MAU2: variants seen among roughly 807,000 people sequenced by gnomAD.
The protein encoded by MAU2 is MAU2 sister chromatid cohesion factor.
A neutral mutation model predicts 89.1 loss-of-function variants in MAU2; 9 were observed. That is an observed-to-expected ratio of 0.10 (90% CI 0.06 to 0.18). The LOEUF (loss-of-function observed/expected upper bound fraction) is 0.18. MAU2 is among the 10% of genes least tolerant of loss of function. The pLI is 1.00. For synonymous variants in MAU2, 357 were observed against 343.4 expected, an observed-to-expected ratio of 1.04 and a Z score of -0.44; for missense variants, 425 against 803.5, an observed-to-expected ratio of 0.53 and a Z score of 5.69.
chr19:19,340,146 CAG>C (rs2061630075), intron 5 of MAU2, among the ~76,000 whole-genome samples: 1 of 139,272 alleles, frequency 7.2e-6, no homozygotes, highest in Non-Finnish European at 1.5e-5. Context: ...GCCTGGGCGA[CAG>C]AGCGAGACTC....
chr19:19,341,131 G>C, intron 6 of MAU2, 121 bp from the exon 7 acceptor site: 2 of 1,241,722 alleles, frequency 1.6e-6, no homozygotes, highest in Non-Finnish European at 2.2e-6. Flanking sequence ...TTTCAGGCTG[G>C]CCTTGCCCTC....
chr19:19,329,520 T>G (rs2061537942), intron 1 of MAU2, among the ~76,000 whole-genome samples: 1 of 152,172 alleles, frequency 6.6e-6, no homozygotes, highest in African/African-American at 2.4e-5. Flanking sequence ...CTCAACAAAT[T>G]AACAGGGTAA....
intron 3 of MAU2, among the ~76,000 whole-genome samples, chr19:19,336,694 A>G (rs1258138090): frequency 6.6e-6 from 1 of 152,228 alleles, no homozygotes; most frequent in East Asian, 1.9e-4. Context: ...ACTGTTGGAA[A>G]GATCAGCCTG....
At chr19:19,354,043 GGTCTA>G (rs2061764905) in intron 16 of MAU2, 3 of 411,186 alleles carry the variant, frequency 7.3e-6, no homozygotes, top group Admixed American at 3.5e-5. Flanking sequence ...CCCCATTGTG[GGTCTA>G]GGGCTAACGG....
At chr19:19,343,035 G>C (rs1428141111) in intron 9 of MAU2, among the ~76,000 whole-genome samples, 169 bp downstream of exon 9, 2 of 152,194 alleles carry the variant, frequency 1.3e-5, no homozygotes, top group Admixed American at 6.5e-5. Flanking sequence ...TCCAACGTCA[G>C]AGCAGAGCAG....
At chr19:19,324,945 G>A (rs1310679824) in intron 1 of MAU2, among the ~76,000 whole-genome samples, 1 of 152,100 alleles carries the variant, frequency 6.6e-6, no homozygotes, top group East Asian at 1.9e-4. Flanking sequence ...CCCAATCAGG[G>A]AGCTATCAAC....
chr19:19,338,201 C>A (rs2061612744), intron 4 of MAU2, among the ~76,000 whole-genome samples: 1 of 152,242 alleles, frequency 6.6e-6, no homozygotes, highest in South Asian at 2.1e-4. Context: ...CCTCCTCCCC[C>A]AGGCCTGATG....
At chr19:19,321,324 G>A (rs2061453250) in intron 1 of MAU2, among the ~76,000 whole-genome samples, 189 bp downstream of exon 1, 1 of 152,160 alleles carries the variant, frequency 6.6e-6, no homozygotes, top group South Asian at 2.1e-4. Flanking sequence ...GGACACGAAA[G>A]CCTCGCCCCC....
chr19:19,342,697 G>A lies in MAU2; in HGVS notation c.882+16G>A. 1 of 1,612,020 alleles carries A rather than the reference G, an allele frequency of 6.2e-7. No homozygotes were observed. The highest frequency in any genetic ancestry group is 1.7e-5 in the Admixed American group (1 of 59,986). ...TGTCTACCTGGTGCGTCCCCACCAGGGCCCGGGCCAGGGCTGGGGGCGGGG... is the reference window on the plus strand; with the variant it reads ...TGTCTACCTGGTGCGTCCCCACCAGAGCCCGGGCCAGGGCTGGGGGCGGGG... On this transcript the variant is annotated intron_variant, in intron 8 of 18. Transcript: ENST00000262815.
intron 17 of MAU2, 138 bp downstream of exon 17, chr19:19,354,583 G>A: frequency 4.1e-6 from 3 of 737,566 alleles, no homozygotes; most frequent in East Asian, 2.7e-5. Context: ...CATGGGTAGG[G>A]GGTGCTCCTC....
At chr19:19,347,209 G>T in intron 12 of MAU2, 71 bp from the exon 13 acceptor site, 1 of 887,034 alleles carries the variant, frequency 1.1e-6, no homozygotes, top group Admixed American at 1.8e-5. Flanking sequence ...GGAGATTGTG[G>T]GTGCTCTGAC....
intron 1 of MAU2, chr19:19,334,197 T>A: frequency 2.0e-6 from 2 of 985,174 alleles, no homozygotes; most frequent in Non-Finnish European, 2.4e-6. Context: ...GAGCCTCACC[T>A]CTGGGGCCAC....
In MAU2 at chr19:19,348,924, C is replaced by T. The variant is rs758620299; in HGVS notation, c.1344C>T (p.His448=). 5.0e-6 allele frequency: 8 copies of T among 1,613,808 alleles called. No homozygotes were observed. The highest frequency in any genetic ancestry group is 6.8e-6 in the Non-Finnish European group (8 of 1,179,966). The change falls in exon 14 of 19, where the codon CAC becomes CAT. Residue 448 remains histidine (H), a synonymous_variant. Transcript: ENST00000262815. The stretch of plus-strand genomic sequence containing the variant: ...TGCTGGAGAGGATCAACCCGGACCA[C>T]AGCTTCCCTGTCAGGTGAGCCGCTC... The part of the protein sequence containing the change: ...YSLLERINPD[H]SFPVSSHCLR...
chr19:19,355,412 G>C (rs1364294853), intron 18 of MAU2, 21 bp downstream of exon 18: 1 of 1,613,118 alleles, frequency 6.2e-7, no homozygotes, highest in African/African-American at 1.3e-5. Flanking sequence ...GGGTGTTAGG[G>C]GACGGGATCA....
rs2146715144 is a variant in MAU2, at chr19:19,355,398, G to A, written c.1767+7G>A. The A allele has an allele frequency of 1.2e-6, 2 of 1,613,766 alleles. No homozygotes were observed. Among genetic ancestry groups the A allele is most frequent in the Non-Finnish European group, 1.7e-6 (2 of 1,179,958 alleles). ...CGAACACAACCTCATCACGGTACGG[G>A]TGTGGGTGTTAGGGGACGGGATCAG... On this transcript the variant is annotated splice_region_variant and intron_variant, in intron 18 of 18. Transcript: ENST00000262815.
intron 9 of MAU2, 94 bp downstream of exon 9, chr19:19,342,960 G>GTGACCGCAGCGCCCAGCCACCCTGCC: frequency 7.4e-7 from 1 of 1,350,896 alleles, no homozygotes; most frequent in East Asian, 2.3e-5. Flanking sequence ...GTGACCCTGT[G>GTGACCGCAGCGCCCAGCCACCCTGCC]TGACCGCAGC....
At chr19:19,324,644 A>G (rs921026504) in intron 1 of MAU2, among the ~76,000 whole-genome samples, 1 of 152,202 alleles carries the variant, frequency 6.6e-6, no homozygotes, top group East Asian at 1.9e-4. Flanking sequence ...TTTTGGACCC[A>G]TAATTTAAAC....
At chr19:19,347,122 T>C (rs1339865792) in intron 12 of MAU2, 158 bp from the exon 13 acceptor site, 7 of 606,918 alleles carry the variant, frequency 1.2e-5, no homozygotes, top group South Asian at 3.9e-5. Flanking sequence ...GTAATAGCTG[T>C]GTTATCCTTG....
chr19:19,340,884 GC>G lies in MAU2; in HGVS notation c.579+12del. On this transcript the variant is annotated intron_variant, in intron 6 of 18. Transcript: ENST00000262815. ...CTCAGCAAGGGGATGGTAAGTTGAGGCTGGGCATGGCTGGATGCAGCTGGTG... is the reference window on the plus strand; with the variant it reads ...CTCAGCAAGGGGATGGTAAGTTGAGGTGGGCATGGCTGGATGCAGCTGGTG... The G allele has an allele frequency of 6.2e-7, 1 of 1,613,076 alleles. No individual in the cohort carries two copies. The highest frequency in any genetic ancestry group is 8.5e-7 in the Non-Finnish European group (1 of 1,179,858).
Sources: allele counts gnomAD v4.1 joint callset (sites outside exome capture counted in the v4.1 genomes callset), GRCh38; gene constraint gnomAD v4.1.1; transcripts MANE v1.5; gene names NCBI Gene and HGNC (gene_info 2026-07-23, HGNC 2026-07-21).